LYPLAL1: variants seen among roughly 807,000 people sequenced by gnomAD.
The protein encoded by LYPLAL1 is lysophospholipase like 1, also known as lysophospholipase-like protein 1.
Under a neutral mutation model 19.7 loss-of-function variants are expected in LYPLAL1, and 23 were observed. The ratio of observed to expected loss-of-function variants is 1.17; its 90% CI spans 0.84 to 1.65. The LOEUF is 1.65. Ranked by LOEUF, LYPLAL1 falls within the 40% of genes most tolerant of loss-of-function variation. The pLI, the probability that LYPLAL1 is intolerant of heterozygous loss-of-function variation, is 0.00. For missense variants in LYPLAL1, 355 were observed against 279.4 expected, an observed-to-expected ratio of 1.27 and a Z score of -1.93; for synonymous variants, 119 against 96.3, an observed-to-expected ratio of 1.24 and a Z score of -1.38.
At chr1:219,247,292 A>C in the LYPLAL1 span, among the ~76,000 whole-genome samples, 1 of 152,198 alleles carries the variant, frequency 6.6e-6, no homozygotes, top group Non-Finnish European at 1.5e-5. Context: ...AAAGTAAAGA[A>C]ATTTTGTTTT....
the LYPLAL1 span, among the ~76,000 whole-genome samples, chr1:219,423,095 G>A: frequency 6.7e-4 from 102 of 152,088 alleles, no homozygotes; most frequent in Non-Finnish European, 1.1e-3. Flanking sequence ...TTTGCTCACA[G>A]AGTTCATTTT....
At chr1:219,314,157 G>A in the LYPLAL1 span, among the ~76,000 whole-genome samples, 12 of 152,320 alleles carry the variant, frequency 7.9e-5, no homozygotes, top group South Asian at 2.1e-4. Flanking sequence ...AGGGCATGAC[G>A]TCATTATTTT....
chr1:219,373,528 A>G, the LYPLAL1 span, among the ~76,000 whole-genome samples: 4 of 152,198 alleles, frequency 2.6e-5, no homozygotes, highest in East Asian at 1.9e-4. Flanking sequence ...CAGTGATTAC[A>G]TGATAAGACA....
the LYPLAL1 span, among the ~76,000 whole-genome samples, chr1:219,331,404 G>A: frequency 6.6e-6 from 1 of 152,236 alleles, no homozygotes; most frequent in East Asian, 1.9e-4. Flanking sequence ...GCTGATCCAG[G>A]TTGGTCTTCA....
downstream of LYPLAL1, among the ~76,000 whole-genome samples, chr1:219,215,222 G>A (rs1262766290): frequency 3.9e-5 from 6 of 152,056 alleles, no homozygotes; most frequent in Non-Finnish European, 5.9e-5. Context: ...TTCGAAAGGT[G>A]TTTTCACTGA....
chr1:219,444,754 A>C, the LYPLAL1 span, among the ~76,000 whole-genome samples: 1 of 152,186 alleles, frequency 6.6e-6, no homozygotes, highest in Non-Finnish European at 1.5e-5. Flanking sequence ...GGAGCAGGAG[A>C]GTCTTTGATG....
At chr1:219,445,401 T>A in the LYPLAL1 span, among the ~76,000 whole-genome samples, 1 of 98,128 alleles carries the variant, frequency 1.0e-5, no homozygotes, top group Non-Finnish European at 1.9e-5. Context: ...TGTAAGTTTA[T>A]TCAAATTGGG....
the LYPLAL1 span, among the ~76,000 whole-genome samples, chr1:219,324,034 T>C: frequency 6.6e-6 from 1 of 152,172 alleles, no homozygotes; most frequent in Non-Finnish European, 1.5e-5. Context: ...AGTCTAAATG[T>C]GCGTTTCTCT....
At chr1:219,375,286 G>C in the LYPLAL1 span, among the ~76,000 whole-genome samples, 3 of 152,068 alleles carry the variant, frequency 2.0e-5, no homozygotes, top group African/African-American at 7.2e-5. Flanking sequence ...GACCAACATG[G>C]AGAAACCCCG....
the LYPLAL1 span, among the ~76,000 whole-genome samples, chr1:219,295,836 G>C: frequency 3.3e-5 from 5 of 152,066 alleles, no homozygotes; most frequent in African/African-American, 9.7e-5. Context: ...TTGGCATTCA[G>C]AAGGTCTTTG....
In LYPLAL1 at chr1:219,203,480, C is replaced by T. The variant is rs186033975; in HGVS notation, c.362-7052C>T. On this transcript the variant is annotated intron_variant, in intron 3 of 4. Coordinates refer to ENST00000366928, the MANE Select transcript of LYPLAL1 (RefSeq NM_138794.5). Reference sequence around the variant, plus strand: ...AAGGCAGAGAGGGAAGTAAAGTATTCTAATACTGTACAGGTATTATTGAAG... The same window carrying T: ...AAGGCAGAGAGGGAAGTAAAGTATTTTAATACTGTACAGGTATTATTGAAG... 1.4e-3 allele frequency among the ~76,000 whole-genome samples: 217 copies of T among 152,206 alleles called. 1 individual carries two copies. The highest frequency in any genetic ancestry group is 4.4e-4 in the Non-Finnish European group (30 of 68,016).
chr1:219,366,763 C>T, the LYPLAL1 span, among the ~76,000 whole-genome samples: 5 of 151,874 alleles, frequency 3.3e-5, no homozygotes, highest in Non-Finnish European at 7.4e-5. Flanking sequence ...GGATGGGCCT[C>T]GTGAATGAAA....
At chr1:219,195,285 T>G (rs1657513415) in intron 3 of LYPLAL1, among the ~76,000 whole-genome samples, 1 of 152,078 alleles carries the variant, frequency 6.6e-6, no homozygotes, top group African/African-American at 2.4e-5. Context: ...AGAATTGTAC[T>G]TTGAAAAACT....
At chr1:219,442,082 A>G in the LYPLAL1 span, among the ~76,000 whole-genome samples, 402 of 152,280 alleles carry the variant, frequency 2.6e-3, 2 homozygotes, top group African/African-American at 9.2e-3. Flanking sequence ...AAACAATACC[A>G]TTCTCCCAAG....
chr1:219,188,737 G>A (rs1320797737), intron 2 of LYPLAL1, among the ~76,000 whole-genome samples: 1 of 148,456 alleles, frequency 6.7e-6, no homozygotes, highest in African/African-American at 2.5e-5. Context: ...TTACCAATGT[G>A]TAATGGGTTG....
At chr1:219,193,370 T>G (rs1657356741) in intron 3 of LYPLAL1, 119 bp downstream of exon 3, 1 of 629,982 alleles carries the variant, frequency 1.6e-6, no homozygotes, top group African/African-American at 1.8e-5. Flanking sequence ...ATTCATAGTT[T>G]CAGATAAACT....
At chr1:219,337,905 T>G in the LYPLAL1 span, among the ~76,000 whole-genome samples, 1 of 152,046 alleles carries the variant, frequency 6.6e-6, no homozygotes, top group Non-Finnish European at 1.5e-5. Flanking sequence ...ATTTCAGAAT[T>G]AAAAAGACAC....
At chr1:219,402,495 A>T in the LYPLAL1 span, among the ~76,000 whole-genome samples, 1 of 152,172 alleles carries the variant, frequency 6.6e-6, no homozygotes, top group African/African-American at 2.4e-5. Flanking sequence ...AAGGAACATT[A>T]CAAAGTTTCA....
Position 219,173,906 on chromosome 1 carries a change from G to C in LYPLAL1, c.16G>C (p.Gly6Arg), listed in dbSNP as rs149478220. MAAAS[G>R]SVLQRCIVSP... ...GGCATCAGCGATGGCGGCTGCGTCGGGGTCGGTTCTGCAGCGCTGTATCGT... is the reference window on the plus strand; with the variant it reads ...GGCATCAGCGATGGCGGCTGCGTCGCGGTCGGTTCTGCAGCGCTGTATCGT... The change falls in exon 1 of 5, where the codon GGG becomes CGG. Residue 6 changes from glycine to arginine, a missense_variant. Gly to Arg is a moderately radical substitution (Grantham distance 125). Transcript: ENST00000366928. The C allele has an allele frequency of 1.9e-6, 3 of 1,613,248 alleles. No homozygotes were observed. The highest frequency in any genetic ancestry group is 3.3e-5 in the Admixed American group (2 of 60,034).
Sources: allele counts gnomAD v4.1 joint callset (sites outside exome capture counted in the v4.1 genomes callset), GRCh38; gene constraint gnomAD v4.1.1; transcripts MANE v1.5; gene names NCBI Gene and HGNC (gene_info 2026-07-23, HGNC 2026-07-21).